The following DDX10 variants were observed in gnomAD, a reference collection of about 807,000 sequenced individuals.
DDX10 encodes the protein DEAD-box helicase 10, also known as probable ATP-dependent RNA helicase DDX10.
In DDX10, 74 loss-of-function variants were observed where a neutral mutation model predicts 104.3. The ratio of observed to expected loss-of-function variants is 0.71; its 90% confidence interval spans 0.59 to 0.86. The LOEUF (loss-of-function observed/expected upper bound fraction) is 0.86. DDX10 is among the 40% of genes least tolerant of loss of function. The probability of loss-of-function intolerance (pLI) is 0.00; values close to 1 mark genes in which losing one functional copy is unlikely to be tolerated. For synonymous variants in DDX10, 351 were observed against 353.4 expected, an observed-to-expected ratio of 0.99 and a Z score of 0.08; for missense variants, 952 against 1,040.0, an observed-to-expected ratio of 0.92 and a Z score of 1.16.
intron 13 of DDX10, among the ~76,000 whole-genome samples, chr11:108,815,482 T>C (rs1306254667): frequency 2.0e-5 from 3 of 152,154 alleles, no homozygotes; most frequent in Non-Finnish European, 2.9e-5. Flanking sequence ...TCCTGCAGAT[T>C]CCGTATGATT....
intron 13 of DDX10, among the ~76,000 whole-genome samples, chr11:108,730,472 T>A (rs774614087): frequency 6.6e-6 from 1 of 152,194 alleles, no homozygotes; most frequent in Non-Finnish European, 1.5e-5. Context: ...CCTGGTACAA[T>A]GACTAGTGCA....
chr11:108,700,696 A>C (rs147698210), intron 9 of DDX10, among the ~76,000 whole-genome samples: 3 of 152,308 alleles, frequency 2.0e-5, no homozygotes, highest in Admixed American at 2.0e-4. Context: ...CTTTGTCACT[A>C]ATGACCGTGT....
intron 15 of DDX10, among the ~76,000 whole-genome samples, chr11:108,846,113 T>C (rs1339202231): frequency 3.9e-5 from 6 of 152,232 alleles, no homozygotes; most frequent in African/African-American, 1.4e-4. Context: ...ATTTATTGTT[T>C]ATTTTAAAAT....
intron 13 of DDX10, among the ~76,000 whole-genome samples, chr11:108,725,956 A>G (rs557359179): frequency 6.1e-4 from 93 of 152,098 alleles, no homozygotes; most frequent in Non-Finnish European, 2.9e-5. Flanking sequence ...ATTTTTGTAT[A>G]TAATGCTAAG....
At chr11:108,677,340 G>A in intron 4 of DDX10, 97 bp downstream of exon 4, 1 of 1,100,978 alleles carries the variant, frequency 9.1e-7, no homozygotes, top group Non-Finnish European at 1.3e-6. Flanking sequence ...CATCTAAACA[G>A]ACTGACCTAG....
At chr11:108,842,197 C>A (rs1322849065) in intron 15 of DDX10, among the ~76,000 whole-genome samples, 1 of 151,946 alleles carries the variant, frequency 6.6e-6, no homozygotes, top group Non-Finnish European at 1.5e-5. Context: ...ATTGTTATAC[C>A]ATTATACTAC....
chr11:108,841,709 A>G (rs1457700879), intron 15 of DDX10, among the ~76,000 whole-genome samples: 1 of 152,158 alleles, frequency 6.6e-6, no homozygotes, highest in African/African-American at 2.4e-5. Context: ...GAGGTGATCT[A>G]AATAATATTA....
intron 1 of DDX10, among the ~76,000 whole-genome samples, chr11:108,667,118 G>A (rs2094211139): frequency 6.6e-6 from 1 of 152,158 alleles, no homozygotes; most frequent in South Asian, 2.1e-4. Context: ...TTTCAACAGG[G>A]ATCAGCAAAC....
At chr11:108,803,582 GAAAAAAA>G (rs34367715) in intron 13 of DDX10, among the ~76,000 whole-genome samples, 1 of 22,468 alleles carries the variant, frequency 4.5e-5, no homozygotes, top group African/African-American at 1.0e-4. Context: ...CAACAAGAGC[GAAAAAAA>G]AAAAAAAAAA....
intron 13 of DDX10, among the ~76,000 whole-genome samples, chr11:108,736,741 C>T (rs2094318914): frequency 6.6e-6 from 1 of 152,180 alleles, no homozygotes; most frequent in Non-Finnish European, 1.5e-5. Context: ...AGCAAGAAGG[C>T]TCATACCAGA....
At chr11:108,841,889 A>G (rs1192669393) in intron 15 of DDX10, among the ~76,000 whole-genome samples, 2 of 152,134 alleles carry the variant, frequency 1.3e-5, no homozygotes, top group Non-Finnish European at 1.5e-5. Context: ...TTCACTCAGC[A>G]TTATTCTATG....
At chr11:108,853,633 G>T (rs1862825653) in intron 16 of DDX10, among the ~76,000 whole-genome samples, 1 of 151,930 alleles carries the variant, frequency 6.6e-6, no homozygotes, top group East Asian at 1.9e-4. Context: ...CCATAAATTG[G>T]TGTGTATATT....
At chr11:108,885,564 A>G (rs766710039) in intron 16 of DDX10, among the ~76,000 whole-genome samples, 2 of 151,814 alleles carry the variant, frequency 1.3e-5, no homozygotes, top group African/African-American at 4.8e-5. Flanking sequence ...CGGGTTTCAC[A>G]GGGTTTCACC....
chr11:108,899,400 T>C (rs1863484757), intron 16 of DDX10, among the ~76,000 whole-genome samples: 1 of 152,162 alleles, frequency 6.6e-6, no homozygotes, highest in South Asian at 2.1e-4. Context: ...CCCATACTTT[T>C]GCATTTCAAA....
intron 13 of DDX10, among the ~76,000 whole-genome samples, chr11:108,743,024 G>C (rs1410975502): frequency 6.6e-6 from 1 of 152,094 alleles, no homozygotes; most frequent in Non-Finnish European, 1.5e-5. Context: ...ACCTCCTCCT[G>C]AATTCATGAG....
At chr11:108,750,964 T>TTTTTA (rs1555021557) in intron 13 of DDX10, among the ~76,000 whole-genome samples, 1 of 100,902 alleles carries the variant, frequency 9.9e-6, no homozygotes, top group African/African-American at 3.8e-5. Flanking sequence ...TTTTTTTTTT[T>TTTTTA]AGAGATGGGC....
intron 13 of DDX10, among the ~76,000 whole-genome samples, chr11:108,725,821 T>G (rs901837082): frequency 7.9e-5 from 12 of 152,022 alleles, no homozygotes; most frequent in Non-Finnish European, 1.8e-4. Flanking sequence ...TTTAGGTAAT[T>G]TATATATGTG....
chr11:108,688,864 TC>T (rs1180812234), intron 6 of DDX10, 71 bp from the exon 7 acceptor site: 2 of 1,527,498 alleles, frequency 1.3e-6, no homozygotes, highest in Non-Finnish European at 1.8e-6. Context: ...AAAACTTGTT[TC>T]CTTTTTTGGT....
intron 13 of DDX10, among the ~76,000 whole-genome samples, chr11:108,781,337 T>C (rs2094377832): frequency 6.6e-6 from 1 of 152,212 alleles, no homozygotes; most frequent in South Asian, 2.1e-4. Flanking sequence ...ATTTCATGTC[T>C]TTGCTTTCAT....
Sources: allele counts gnomAD v4.1 joint callset (sites outside exome capture counted in the v4.1 genomes callset), GRCh38; gene constraint gnomAD v4.1.1; transcripts MANE v1.5; gene names NCBI Gene and HGNC (gene_info 2026-07-23, HGNC 2026-07-21).